Variants in SPAG16 observed in about 807,000 individuals in gnomAD.
SPAG16 encodes the protein sperm-associated antigen 16 protein.
Under a neutral mutation model 80.4 loss-of-function variants are expected in SPAG16, and 86 were observed. The ratio of observed to expected loss-of-function variants is 1.07; its 90% CI spans 0.90 to 1.28. The LOEUF (loss-of-function observed/expected upper bound fraction) is 1.28, where lower values mean the gene tolerates loss of function less well. Ranked by LOEUF, SPAG16 falls within the 50% of genes most tolerant of loss-of-function variation. The pLI, the probability that SPAG16 is intolerant of heterozygous loss-of-function variation, is 0.00. For missense variants in SPAG16, 870 were observed against 765.3 expected, an observed-to-expected ratio of 1.14 and a Z score of -1.61; for synonymous variants, 294 against 265.9, an observed-to-expected ratio of 1.11 and a Z score of -1.03.
intron 15 of SPAG16, among the ~76,000 whole-genome samples, chr2:214,161,008 T>G (rs1559094165): frequency 1.3e-5 from 2 of 152,058 alleles, no homozygotes; most frequent in Non-Finnish European, 2.9e-5. Context: ...TAGATTATAT[T>G]GAGTCAATTG....
intron 13 of SPAG16, among the ~76,000 whole-genome samples, chr2:214,062,231 A>G (rs544873916): frequency 6.6e-6 from 1 of 151,838 alleles, no homozygotes; most frequent in South Asian, 2.1e-4. Flanking sequence ...ACCAGCCTGG[A>G]CAACATGATG....
chr2:214,116,362 G>A (rs1445941590), intron 14 of SPAG16, among the ~76,000 whole-genome samples: 3 of 152,196 alleles, frequency 2.0e-5, no homozygotes, highest in East Asian at 3.9e-4. Flanking sequence ...GGGAGTCTAA[G>A]CCTCCATAAT....
intron 15 of SPAG16, among the ~76,000 whole-genome samples, chr2:214,225,421 G>A (rs1243762231): frequency 1.3e-5 from 2 of 152,128 alleles, no homozygotes; most frequent in South Asian, 2.1e-4. Context: ...TGGATGCTTG[G>A]ATCAGAGTGA....
At chr2:213,328,595 G>C (rs2063942365) in intron 5 of SPAG16, among the ~76,000 whole-genome samples, 1 of 152,136 alleles carries the variant, frequency 6.6e-6, no homozygotes, top group Non-Finnish European at 1.5e-5. Context: ...ATGGCAGAGA[G>C]TTTCTCTCTT....
At chr2:213,497,046 T>C (rs922359538) in intron 10 of SPAG16, among the ~76,000 whole-genome samples, 1 of 151,880 alleles carries the variant, frequency 6.6e-6, no homozygotes, top group African/African-American at 2.4e-5. Flanking sequence ...TTACATACAA[T>C]TGAAACACTT....
At chr2:213,695,162 A>G (rs969411116) in intron 10 of SPAG16, among the ~76,000 whole-genome samples, 1 of 152,130 alleles carries the variant, frequency 6.6e-6, no homozygotes, top group African/African-American at 2.4e-5. Flanking sequence ...TCTTTTAACC[A>G]TATCTTTTTC....
intron 15 of SPAG16, among the ~76,000 whole-genome samples, chr2:214,189,331 A>G (rs938739666): frequency 1.3e-5 from 2 of 152,086 alleles, no homozygotes; most frequent in Non-Finnish European, 2.9e-5. Flanking sequence ...TGCAGTTCAC[A>G]TTAAAAAAAA....
At chr2:213,419,595 T>C (rs562147876) in intron 9 of SPAG16, among the ~76,000 whole-genome samples, 2 of 152,286 alleles carry the variant, frequency 1.3e-5, no homozygotes, top group Non-Finnish European at 2.9e-5. Flanking sequence ...TCCAATAACA[T>C]TGAAAAAGAA....
intron 10 of SPAG16, among the ~76,000 whole-genome samples, chr2:213,616,032 A>G (rs753920339): frequency 5.6e-4 from 86 of 152,340 alleles, no homozygotes; most frequent in Non-Finnish European, 9.3e-4. Flanking sequence ...CATGTTCTGC[A>G]CATGTATCCC....
At chr2:213,517,338 T>C (rs1467261684) in intron 10 of SPAG16, among the ~76,000 whole-genome samples, 2 of 152,184 alleles carry the variant, frequency 1.3e-5, no homozygotes, top group African/African-American at 2.4e-5. Flanking sequence ...AATCATTCCA[T>C]GTTCATGGCT....
chr2:213,429,478 T>C (rs2070154295), intron 9 of SPAG16, among the ~76,000 whole-genome samples: 1 of 152,194 alleles, frequency 6.6e-6, no homozygotes, highest in African/African-American at 2.4e-5. Flanking sequence ...GTATAAACCC[T>C]ATTGCTATCA....
chr2:213,615,623 C>A (rs1458217062), intron 10 of SPAG16, among the ~76,000 whole-genome samples: 5 of 151,828 alleles, frequency 3.3e-5, no homozygotes, highest in African/African-American at 7.2e-5. Context: ...TAAAAAAAAC[C>A]CAAAAAACTT....
chr2:213,366,230 A>C (rs1408364065), intron 8 of SPAG16, among the ~76,000 whole-genome samples: 1 of 151,978 alleles, frequency 6.6e-6, no homozygotes, highest in Non-Finnish European at 1.5e-5. Flanking sequence ...CAAAGAAGAG[A>C]ATGAAAATGG....
intron 13 of SPAG16, among the ~76,000 whole-genome samples, chr2:214,094,750 T>A (rs2052466476): frequency 6.6e-6 from 1 of 152,050 alleles, no homozygotes; most frequent in African/African-American, 2.4e-5. Flanking sequence ...ATGTATACAG[T>A]TGTTATTCTG....
At chr2:213,616,634 T>C (rs116603970) in intron 10 of SPAG16, among the ~76,000 whole-genome samples, 1,979 of 152,316 alleles carry the variant, frequency 0.013, 19 homozygotes, top group South Asian at 0.036. Context: ...AGATTCCTGA[T>C]CTCTGGCCCA....
intron 10 of SPAG16, among the ~76,000 whole-genome samples, chr2:213,536,884 T>C (rs2076268233): frequency 6.6e-6 from 1 of 152,016 alleles, no homozygotes; most frequent in Non-Finnish European, 1.5e-5. Context: ...CGCGGCACTA[T>C]TCACAATAGC....
At chr2:213,852,677 T>TC (rs1428651675) in intron 10 of SPAG16, among the ~76,000 whole-genome samples, 1 of 152,140 alleles carries the variant, frequency 6.6e-6, no homozygotes, top group African/African-American at 2.4e-5. Flanking sequence ...CAATGTGGGC[T>TC]CCCCTGACCA....
chr2:214,194,467 G>A (rs1400709731), intron 15 of SPAG16, among the ~76,000 whole-genome samples: 1 of 152,014 alleles, frequency 6.6e-6, no homozygotes, highest in African/African-American at 2.4e-5. Context: ...TAGAAGAATG[G>A]TACACACAGT....
At chr2:214,216,587 T>C (rs577278892) in intron 15 of SPAG16, among the ~76,000 whole-genome samples, 1 of 152,358 alleles carries the variant, frequency 6.6e-6, no homozygotes, top group African/African-American at 2.4e-5. Flanking sequence ...CCCAAAGTGC[T>C]GGGATTACAG....
Sources: allele counts gnomAD v4.1 joint callset (sites outside exome capture counted in the v4.1 genomes callset), GRCh38; gene constraint gnomAD v4.1.1; transcripts MANE v1.5; gene names NCBI Gene and HGNC (gene_info 2026-07-23, HGNC 2026-07-21).